The following TANGO2 variants were observed in gnomAD, a reference collection of about 807,000 sequenced individuals.
The protein encoded by TANGO2 is transport and Golgi organization protein 2 homolog.
Under a neutral mutation model 39.1 loss-of-function variants are expected in TANGO2, and 26 were observed. The ratio of observed to expected loss-of-function variants is 0.67; its 90% CI spans 0.49 to 0.92. The LOEUF (loss-of-function observed/expected upper bound fraction) is 0.92, where lower values mean the gene tolerates loss of function less well. TANGO2 is among the 40% of genes least tolerant of loss of function. The probability of loss-of-function intolerance (pLI) is 0.00; values close to 1 mark genes in which losing one functional copy is unlikely to be tolerated. For missense variants in TANGO2, 326 were observed against 360.1 expected (o/e 0.91, Z 0.77); for synonymous variants, 131 against 144.5 (o/e 0.91, Z 0.67).
chr22:20,035,520 C>T (rs1367840772), intron 1 of TANGO2, among the ~76,000 whole-genome samples: 1 of 152,228 alleles, frequency 6.6e-6, no homozygotes, highest in South Asian at 2.1e-4. Flanking sequence ...GTTCTGCACT[C>T]GTTTGCATTG....
intron 2 of TANGO2, among the ~76,000 whole-genome samples, chr22:20,040,312 G>A (rs1435537366): frequency 6.6e-6 from 1 of 152,208 alleles, no homozygotes; most frequent in Non-Finnish European, 1.5e-5. Flanking sequence ...TAGGACAAAA[G>A]TCCATGCTCA....
intron 2 of TANGO2, among the ~76,000 whole-genome samples, chr22:20,039,500 A>G (rs1321584033): frequency 6.6e-6 from 1 of 151,844 alleles, no homozygotes; most frequent in Non-Finnish European, 1.5e-5. Flanking sequence ...ATGGTGGCGC[A>G]CACCTGTAAT....
chr22:20,056,395 C>T (rs888337055), intron 6 of TANGO2: 9 of 484,270 alleles, frequency 1.9e-5, no homozygotes, highest in South Asian at 3.1e-5. Context: ...TGCTCCCTGA[C>T]GCACAAGTAC....
intron 1 of TANGO2, among the ~76,000 whole-genome samples, chr22:20,033,903 TA>T: frequency 6.6e-6 from 1 of 152,224 alleles, no homozygotes; most frequent in African/African-American, 2.4e-5. Flanking sequence ...ATTTCTAAAA[TA>T]GCTTCCTAAG....
chr22:20,031,833 A>G (rs1172692416), intron 1 of TANGO2, among the ~76,000 whole-genome samples: 5 of 152,162 alleles, frequency 3.3e-5, no homozygotes, highest in Non-Finnish European at 5.9e-5. Context: ...CTACAAATGA[A>G]CAGATCCAGT....
intron 1 of TANGO2, among the ~76,000 whole-genome samples, chr22:20,025,598 C>T (rs2040587610): frequency 6.6e-6 from 1 of 152,222 alleles, no homozygotes; most frequent in Non-Finnish European, 1.5e-5. Context: ...CCTGCCCTGC[C>T]TCCTGTCCCC....
chr22:20,038,622 A>G (rs1381301032), intron 2 of TANGO2, among the ~76,000 whole-genome samples: 1 of 152,050 alleles, frequency 6.6e-6, no homozygotes, highest in African/African-American at 2.4e-5. Context: ...TCTCTGGACT[A>G]TTTTCCGAAG....
At chr22:20,036,230 A>G (rs2042827565) in intron 1 of TANGO2, among the ~76,000 whole-genome samples, 1 of 152,092 alleles carries the variant, frequency 6.6e-6, no homozygotes, top group South Asian at 2.1e-4. Flanking sequence ...TTGTGACCCC[A>G]CAGTACTCGG....
At chr22:20,045,730 C>T (rs1255590041) in intron 3 of TANGO2, among the ~76,000 whole-genome samples, 1 of 151,848 alleles carries the variant, frequency 6.6e-6, no homozygotes, top group South Asian at 2.1e-4. Flanking sequence ...CTTGAACTCC[C>T]GACCTCAGGT....
chr22:20,051,074 T>C (rs1250644210), intron 3 of TANGO2, among the ~76,000 whole-genome samples: 1 of 150,838 alleles, frequency 6.6e-6, no homozygotes, highest in Non-Finnish European at 1.5e-5. Flanking sequence ...TTGGTCAGGC[T>C]GGTCTTGAAC....
At chr22:20,020,546 T>C (rs1340716292), upstream of TANGO2, among the ~76,000 whole-genome samples, 3 of 151,330 alleles carry the variant, frequency 2.0e-5, no homozygotes, top group Non-Finnish European at 2.9e-5. Flanking sequence ...GTGTGCAGGG[T>C]ATAGTGCTCA....
chr22:20,036,738 CAG>C lies in TANGO2; in HGVS notation c.-39-21_-39-20del, dbSNP rs1804231661. On this transcript the variant is annotated intron_variant, in intron 1 of 8. Coordinates refer to ENST00000327374, the MANE Select transcript of TANGO2 (RefSeq NM_152906.7). ...CTGAGTGTCTGCCATCCGCTCAACT[CAG>C]TGTTTTCCTTTTCCCGCAGACCTCG... 1.7e-5 allele frequency: 27 copies of C among 1,605,286 alleles called. No homozygotes were observed. The highest frequency in any genetic ancestry group is 2.2e-5 in the Non-Finnish European group (26 of 1,172,238).
At chr22:20,048,634 T>C (rs1022868797) in intron 3 of TANGO2, among the ~76,000 whole-genome samples, 3 of 151,972 alleles carry the variant, frequency 2.0e-5, no homozygotes, top group African/African-American at 7.3e-5. Context: ...TGATAGCTTA[T>C]GGTGAGCAGA....
intron 2 of TANGO2, among the ~76,000 whole-genome samples, chr22:20,038,672 G>A (rs1420731005): frequency 6.6e-6 from 1 of 152,202 alleles, no homozygotes; most frequent in Non-Finnish European, 1.5e-5. Flanking sequence ...CTGGGTGACT[G>A]AGCAAATGTG....
At chr22:20,024,042 C>G (rs1162466740) in intron 1 of TANGO2, among the ~76,000 whole-genome samples, 9 of 151,808 alleles carry the variant, frequency 5.9e-5, no homozygotes, top group African/African-American at 2.2e-4. Flanking sequence ...CAAAAATTTG[C>G]TGGGCATGGT....
intron 2 of TANGO2, among the ~76,000 whole-genome samples, chr22:20,038,955 T>C (rs2043377891): frequency 6.6e-6 from 1 of 151,692 alleles, no homozygotes; most frequent in Non-Finnish European, 1.5e-5. Flanking sequence ...TTATTATTAT[T>C]TTAGAGACAG....
chr22:20,055,914 G>T, intron 5 of TANGO2, 29 bp from the exon 6 acceptor site: 1 of 1,600,892 alleles, frequency 6.2e-7, no homozygotes, highest in Non-Finnish European at 8.6e-7. Flanking sequence ...TATGGCTGTA[G>T]TCTGACATTC....
At chr22:20,018,637 A>G (rs904817865), upstream of TANGO2, among the ~76,000 whole-genome samples, 1 of 152,128 alleles carries the variant, frequency 6.6e-6, no homozygotes, top group Non-Finnish European at 1.5e-5. Flanking sequence ...CACCACCCCT[A>G]CCACCCATAG....
upstream of TANGO2, chr22:20,019,035 A>G (rs2518830): frequency 0.5 from 76,575 of 151,660 alleles, 21,990 homozygotes; most frequent in African/African-American, 0.81. Context: ...AGTGAGCTGA[A>G]ATTGCACCAC....
Sources: gnomAD v4.1 joint callset for allele counts (sites outside exome capture counted in the v4.1 genomes callset) on GRCh38, gnomAD v4.1.1 for gene constraint, MANE v1.5 for transcripts, NCBI Gene and HGNC (gene_info 2026-07-23, HGNC 2026-07-21) for gene names.